Variants in KIF14 observed in about 807,000 individuals in gnomAD.
The protein encoded by KIF14 is kinesin-like protein KIF14.
In KIF14, 98 loss-of-function variants were observed where a neutral mutation model predicts 176.2. That is an observed-to-expected ratio of 0.56 (90% CI 0.47 to 0.66). The LOEUF (loss-of-function observed/expected upper bound fraction) is 0.66. Among genes scored for constraint, KIF14 ranks in the 30% least tolerant of loss-of-function variants. The pLI is 0.00. For missense variants in KIF14, 1,751 were observed against 1,920.4 expected (o/e 0.91, Z 1.65); for synonymous variants, 566 against 632.2 (o/e 0.90, Z 1.57).
chr1:200,609,078 C>T (rs1660027150), intron 4 of KIF14, 150 bp from the exon 5 acceptor site: 1 of 482,120 alleles, frequency 2.1e-6, no homozygotes, highest in South Asian at 4.3e-5. Flanking sequence ...TTAAAATGCA[C>T]AAAGGACTTG....
chr1:200,554,616 T>G lies in KIF14; in HGVS notation c.4429-10A>C, dbSNP rs535077751. ...GCCTTCTGAAACTTTTCTGTATAAA[T>G]AAAGTTAATATTTAAAATAATACAT... On this transcript the variant is annotated splice_polypyrimidine_tract_variant and intron_variant, in intron 28 of 29. Transcript: ENST00000367350. The G allele has an allele frequency of 1.5e-6, 2 of 1,348,456 alleles. No individual in the cohort carries two copies. Among genetic ancestry groups the G allele is most frequent in the South Asian group, 2.6e-5 (2 of 77,844 alleles). The allele number at this position is 1,348,456 out of a possible 1,614,324, so 83.5% of individuals were successfully genotyped here.
Position 200,553,310 on chromosome 1 carries a change from C to T in KIF14, c.*78G>A. The T allele has an allele frequency of 7.1e-7, 1 of 1,418,244 alleles. No individual in the cohort carries two copies. The highest frequency in any genetic ancestry group is 1.4e-5 in the South Asian group (1 of 70,028). The allele number at this position is 1,418,244 out of a possible 1,614,324, so 87.9% of individuals were successfully genotyped here. On this transcript the variant is annotated 3_prime_UTR_variant, in exon 30 of 30. Coordinates refer to ENST00000367350, the MANE Select transcript of KIF14 (RefSeq NM_014875.3). The stretch of plus-strand genomic sequence containing the variant: ...TATCTGTGCTGATTTCTCTTAAACT[C>T]TCCTGCATAAAGAAAATTACCGAGC...
chr1:200,612,556 T>C (rs1374519462), intron 4 of KIF14, among the ~76,000 whole-genome samples: 2 of 152,186 alleles, frequency 1.3e-5, no homozygotes, highest in Non-Finnish European at 2.9e-5. Context: ...TTTCATCTCA[T>C]AGTCTCAATA....
chr1:200,569,988 T>C lies in KIF14; in HGVS notation c.3584A>G (p.Lys1195Arg). ...LSRRRSRSLMKNRRISGCLHD... is the reference protein window; with the variant it reads ...LSRRRSRSLMRNRRISGCLHD... ...TAAACAACCAGAAATTCTTCTGTTCTTCATCAAACTCCTACTCCTGAAAAA... is the reference window on the plus strand; with the variant it reads ...TAAACAACCAGAAATTCTTCTGTTCCTCATCAAACTCCTACTCCTGAAAAA... The change falls in exon 23 of 30, where the codon AAG (lysine) becomes AGG (arginine). Residue 1195 changes from lysine to arginine, a missense_variant. Coordinates refer to ENST00000367350, the MANE Select transcript of KIF14 (RefSeq NM_014875.3). The C allele has an allele frequency of 4.4e-6, 7 of 1,596,866 alleles. No homozygotes were observed. The highest frequency in any genetic ancestry group is 6.0e-6 in the Non-Finnish European group (7 of 1,167,204).
chr1:200,610,454 G>C (rs929856148), intron 4 of KIF14, among the ~76,000 whole-genome samples: 1 of 149,442 alleles, frequency 6.7e-6, no homozygotes, highest in Non-Finnish European at 1.5e-5. Context: ...AGCTTGCAGT[G>C]AGCCAAGATC....
intron 23 of KIF14, among the ~76,000 whole-genome samples, chr1:200,567,437 C>T (rs563531562): frequency 4.1e-5 from 6 of 146,550 alleles, no homozygotes; most frequent in African/African-American, 7.6e-5. Flanking sequence ...CCCAGCTACT[C>T]GGGAGGTTGA....
At chr1:200,605,463 C>T in intron 7 of KIF14, 73 bp from the exon 8 acceptor site, 2 of 1,010,838 alleles carry the variant, frequency 2.0e-6, no homozygotes, top group Non-Finnish European at 3.0e-6. Flanking sequence ...AGAGAGACAA[C>T]ATATACACAT....
intron 13 of KIF14, among the ~76,000 whole-genome samples, chr1:200,599,191 T>G (rs148881377): frequency 1.0e-3 from 159 of 152,320 alleles, no homozygotes; most frequent in Non-Finnish European, 1.2e-4. Context: ...CCTGGTCACT[T>G]TTTAACAGCT....
chr1:200,595,932 CA>C (rs35375679), intron 14 of KIF14, among the ~76,000 whole-genome samples: 122 of 52,254 alleles, frequency 2.3e-3, no homozygotes, highest in African/African-American at 3.0e-3. Flanking sequence ...ACTCCATCTC[CA>C]AAAAAAAAAA....
intron 22 of KIF14, among the ~76,000 whole-genome samples, chr1:200,574,082 G>A (rs1226021200): frequency 6.6e-6 from 1 of 152,120 alleles, no homozygotes; most frequent in Non-Finnish European, 1.5e-5. Flanking sequence ...TAAAATGAGG[G>A]TAATGACAAT....
At chr1:200,608,374 T>C (rs997624221) in intron 5 of KIF14, among the ~76,000 whole-genome samples, 2 of 151,570 alleles carry the variant, frequency 1.3e-5, no homozygotes, top group African/African-American at 4.8e-5. Context: ...TTTCTTTTTT[T>C]TTTTTTTGGA....
intron 22 of KIF14, among the ~76,000 whole-genome samples, chr1:200,570,730 G>A (rs1168666557): frequency 2.6e-5 from 4 of 152,088 alleles, no homozygotes; most frequent in South Asian, 2.1e-4. Flanking sequence ...TTAAGTGGCC[G>A]AGTTGGGATT....
chr1:200,565,666 A>C lies in KIF14; in HGVS notation c.3665T>G (p.Leu1222Ter). 6.3e-7 allele frequency: 1 copy of C among 1,576,420 alleles called. No individual in the cohort carries two copies. Among genetic ancestry groups the C allele is most frequent in the Non-Finnish European group, 8.6e-7 (1 of 1,166,896 alleles). ...KNLHSSHSSG[L>*]MDKSSTIYSN... Reference sequence around the variant, plus strand: ...GTAAATAGTGCTTGATTTGTCCATTAAACCTACATCAACAGAAAATAGCCA... The same window carrying C: ...GTAAATAGTGCTTGATTTGTCCATTCAACCTACATCAACAGAAAATAGCCA... Residue 1222 changes from leucine (L) to a stop codon, truncating the protein, a stop_gained, in exon 24 of 30, where the codon TTA becomes TGA. Coordinates refer to ENST00000367350, the MANE Select transcript of KIF14 (RefSeq NM_014875.3). LOFTEE classifies it high-confidence loss of function.
At position 200,577,155 on chromosome 1, in the gene KIF14, CAAAAAAA is replaced by C. The variant is rs35218358; in HGVS notation, c.3466-1471_3466-1465del. ...TAAAATCCCGACTCTACTAAAAATA[CAAAAAAA>C]AAAAAAAAAAAATTAGCTGGGCATG... On this transcript the variant is annotated intron_variant, in intron 21 of 29. Transcript: ENST00000367350. Among the ~76,000 whole-genome samples the C allele has an allele frequency of 2.2e-5, 3 of 137,638 alleles. No homozygotes were observed. The South Asian group carries it at 6.9e-4, about 32-fold the overall frequency. 90.3% of individuals were successfully genotyped at this position (137,638 alleles called of 152,430 possible). A position where few individuals can be genotyped will look rare whatever the true frequency, so the allele number is the denominator to read the frequency against.
chr1:200,566,265 A>AT (rs1403764240), intron 23 of KIF14, among the ~76,000 whole-genome samples: 1 of 151,446 alleles, frequency 6.6e-6, no homozygotes, highest in Non-Finnish European at 1.5e-5. Context: ...GTAGGAATTA[A>AT]TTTTCTTTTC....
chr1:200,571,919 A>G (rs1390493274), intron 22 of KIF14, among the ~76,000 whole-genome samples: 1 of 152,196 alleles, frequency 6.6e-6, no homozygotes. Context: ...CCTCAGAGGG[A>G]AATTTACTTT....
intron 15 of KIF14, among the ~76,000 whole-genome samples, chr1:200,592,644 A>T (rs1659113921): frequency 6.6e-6 from 1 of 152,140 alleles, no homozygotes; most frequent in African/African-American, 2.4e-5. Flanking sequence ...AACGTTTATT[A>T]CTTTGTATAT....
chr1:200,592,150 T>C lies in KIF14; in HGVS notation c.2743A>G (p.Thr915Ala). 6.2e-7 allele frequency: 1 copy of C among 1,613,740 alleles called. No individual in the cohort carries two copies. The highest frequency in any genetic ancestry group is 8.5e-7 in the Non-Finnish European group (1 of 1,179,812). ...QKGKRPSGRDTPISEGPKDFE... is the reference protein window; with the variant it reads ...QKGKRPSGRDAPISEGPKDFE... ...TCTTTTGGACCCTCACTTATAGGAGTATCTCTTCCAGATGGCCTTTTTCCT... is the reference window on the plus strand; with the variant it reads ...TCTTTTGGACCCTCACTTATAGGAGCATCTCTTCCAGATGGCCTTTTTCCT... Residue 915 changes from threonine to alanine, a missense_variant, in exon 16 of 30, where the codon ACT becomes GCT. Transcript: ENST00000367350.
chr1:200,577,038 G>C (rs1658156094), intron 21 of KIF14, among the ~76,000 whole-genome samples: 1 of 151,974 alleles, frequency 6.6e-6, no homozygotes, highest in Non-Finnish European at 1.5e-5. Context: ...GGCTGGGTGT[G>C]GTGGCTCATG....
Sources: allele counts gnomAD v4.1 joint callset (sites outside exome capture counted in the v4.1 genomes callset), GRCh38; gene constraint gnomAD v4.1.1; transcripts MANE v1.5; gene names NCBI Gene and HGNC (gene_info 2026-07-23, HGNC 2026-07-21).